Variants in TAMALIN observed in about 807,000 individuals in gnomAD.
The protein encoded by TAMALIN is protein TAMALIN.
TAMALIN carries 9 observed loss-of-function variants against 38.5 expected under a neutral mutation model. That is an observed-to-expected ratio of 0.23 (90% CI 0.14 to 0.41). TAMALIN has a LOEUF of 0.41. Ranked by LOEUF, TAMALIN falls within the 10% of genes least tolerant of loss-of-function variation. The pLI, the probability that TAMALIN is intolerant of heterozygous loss-of-function variation, is 1.00. For missense variants in TAMALIN, 548 were observed against 554.1 expected (o/e 0.99, Z 0.11); for synonymous variants, 306 against 256.5 (o/e 1.19, Z -1.85).
At position 52,011,220 on chromosome 12, in the gene TAMALIN, TC is replaced by T; in HGVS notation, c.454+81del. On this transcript the variant is annotated intron_variant, in intron 4 of 7. Coordinates refer to ENST00000293662, the MANE Select transcript of TAMALIN (RefSeq NM_181711.4). The surrounding 1 kb of genome is among the most constrained non-coding windows in gnomAD (Gnocchi z 5.3). Reference sequence around the variant, plus strand: ...CCAAGCAAAGGGGGTGAGCAATCTCTCCTGAAATCAATTCCTCTTCCTTTTC... The same window carrying T: ...CCAAGCAAAGGGGGTGAGCAATCTCTCTGAAATCAATTCCTCTTCCTTTTC... The T allele has an allele frequency of 6.3e-7, 1 of 1,595,572 alleles. No homozygotes were observed. Among genetic ancestry groups the T allele is most frequent in the Non-Finnish European group, 8.5e-7 (1 of 1,176,596 alleles).
Position 52,007,114 on chromosome 12 carries a change from C to T in TAMALIN, c.95C>T (p.Pro32Leu), listed in dbSNP as rs774192574. The T allele has an allele frequency of 6.7e-7, 1 of 1,485,556 alleles. No individual in the cohort carries two copies. Among genetic ancestry groups the T allele is most frequent in the South Asian group, 1.3e-5 (1 of 78,278 alleles). 92.0% of individuals were successfully genotyped at this position (1,485,556 alleles called of 1,614,324 possible). A position where few individuals can be genotyped will look rare whatever the true frequency, so the allele number is the denominator to read the frequency against. Residue 32 changes from proline (P) to leucine (L), a missense_variant, in exon 1 of 8, where the codon CCC becomes CTC. Pro to Leu is a moderately conservative substitution (Grantham distance 98). This residue lies in a region of TAMALIN where 128 missense variants were observed against 117.9 expected (regional missense o/e 1.09). Coordinates refer to ENST00000293662, the MANE Select transcript of TAMALIN (RefSeq NM_181711.4). The surrounding 1 kb of genome is among the most constrained non-coding windows in gnomAD (Gnocchi z 6.7). Reference protein sequence around the residue: ...AARTPDSEVAPAAPVPTPGPP... With the variant: ...AARTPDSEVALAAPVPTPGPP... ...CGGACTCCCGACTCGGAAGTCGCGCCCGCCGCTCCGGTCCCGACCCCGGGA... is the reference window on the plus strand; with the variant it reads ...CGGACTCCCGACTCGGAAGTCGCGCTCGCCGCTCCGGTCCCGACCCCGGGA...
In TAMALIN at chr12:52,015,286, G is replaced by A. The variant is rs1937783220; in HGVS notation, c.*87G>A. Reference sequence around the variant, plus strand: ...GGGAGGCCGAGCCAAGAGGACCCCAGGAGCCCAGAGCAGCGGGAGAGGGTC... The same window carrying A: ...GGGAGGCCGAGCCAAGAGGACCCCAAGAGCCCAGAGCAGCGGGAGAGGGTC... On this transcript the variant is annotated 3_prime_UTR_variant, in exon 8 of 8. Transcript: ENST00000293662. 1 of 1,423,604 alleles carries A rather than the reference G, an allele frequency of 7.0e-7. No individual in the cohort carries two copies. The highest frequency in any genetic ancestry group is 9.2e-7 in the Non-Finnish European group (1 of 1,084,014). 88.2% of individuals were successfully genotyped at this position (1,423,604 alleles called of 1,614,324 possible).
Position 52,015,329 on chromosome 12 carries a change from G to GA in TAMALIN, c.*130_*131insA. On this transcript the variant is annotated 3_prime_UTR_variant, in exon 8 of 8. Transcript: ENST00000293662. ...AGAGGGTCCTTCCTAGCCTCGGCCCGCCGGGTCGGTTCCTGGCTGGTGTCT... is the reference window on the plus strand; with the variant it reads ...AGAGGGTCCTTCCTAGCCTCGGCCCGACCGGGTCGGTTCCTGGCTGGTGTCT... 8.7e-7 allele frequency: 1 copy of GA among 1,152,682 alleles called. No individual in the cohort carries two copies. Among genetic ancestry groups the GA allele is most frequent in the Non-Finnish European group, 1.2e-6 (1 of 867,208 alleles). 71.4% of individuals were successfully genotyped at this position (1,152,682 alleles called of 1,614,324 possible). A position where few individuals can be genotyped will look rare whatever the true frequency, so the allele number is the denominator to read the frequency against.
rs971160165 is a variant in TAMALIN at position 52,011,381 on chromosome 12, C to T, written c.454+240C>T. 135 of 637,746 alleles carry T rather than the reference C, an allele frequency of 2.1e-4. 1 individual carries two copies. Among genetic ancestry groups the T allele is most frequent in the African/African-American group, 2.9e-4 (16 of 54,816 alleles). 39.5% of individuals were successfully genotyped at this position (637,746 alleles called of 1,614,324 possible). A position where few individuals can be genotyped will look rare whatever the true frequency, so the allele number is the denominator to read the frequency against. On this transcript the variant is annotated intron_variant, in intron 4 of 7. Coordinates refer to ENST00000293662, the MANE Select transcript of TAMALIN (RefSeq NM_181711.4). This position sits in a 1 kb window ranked among gnomAD's most constrained non-coding sequence, Gnocchi z 5.3. ...AATAATGCATCCAAACATCACAGTG[C>T]GGCAAGGGGATTCCCTGGGCACACT... is the stretch of plus-strand genomic sequence containing the variant.
chr12:52,015,209 CG>C lies in TAMALIN; in HGVS notation c.*13del. On this transcript the variant is annotated 3_prime_UTR_variant, in exon 8 of 8. Transcript: ENST00000293662. Reference sequence around the variant, plus strand: ...GGAGAGCCAGCTGTAGGGGCGGGGGCGGGCAGGGAGGTATTTATTTATTTAT... The same window carrying C: ...GGAGAGCCAGCTGTAGGGGCGGGGGCGGCAGGGAGGTATTTATTTATTTAT... The C allele has an allele frequency of 6.4e-7, 1 of 1,564,600 alleles. No homozygotes were observed.
chr12:52,008,185 C>T (rs1942446106), intron 1 of TAMALIN: 1 of 985,426 alleles, frequency 1.0e-6, no homozygotes, highest in Non-Finnish European at 1.2e-6. Context: ...ACCCCTGAGG[C>T]CAATCTGGTT....
chr12:52,015,289 G>T lies in TAMALIN; in HGVS notation c.*90G>T, dbSNP rs1211189725. ...AGGCCGAGCCAAGAGGACCCCAGGAGCCCAGAGCAGCGGGAGAGGGTCCTT... is the reference window on the plus strand; with the variant it reads ...AGGCCGAGCCAAGAGGACCCCAGGATCCCAGAGCAGCGGGAGAGGGTCCTT... On this transcript the variant is annotated 3_prime_UTR_variant, in exon 8 of 8. Coordinates refer to ENST00000293662, the MANE Select transcript of TAMALIN (RefSeq NM_181711.4). 13 of 1,400,772 alleles carry T rather than the reference G, an allele frequency of 9.3e-6. No homozygotes were observed. Among genetic ancestry groups the T allele is most frequent in the Non-Finnish European group, 1.1e-5 (12 of 1,069,314 alleles). The allele number at this position is 1,400,772 out of a possible 1,614,324, so 86.8% of individuals were successfully genotyped here.
Position 52,015,119 on chromosome 12 carries a change from T to A in TAMALIN, c.1108T>A (p.Tyr370Asn). ...CGGCCCCGGCCTGCGCAAAACCAAG[T>A]ACCGCAGCTTCCGCCGGCGGCTGCT... is the stretch of plus-strand genomic sequence containing the variant. Reference protein sequence around the residue: ...LCGPGLRKTKYRSFRRRLLKF... With the variant: ...LCGPGLRKTKNRSFRRRLLKF... Residue 370 changes from tyrosine (Y) to asparagine (N), a missense_variant, in exon 8 of 8, where the codon TAC becomes AAC. Tyr to Asn is a moderately radical substitution (Grantham distance 143, BLOSUM62 -2). Transcript: ENST00000293662. The A allele has an allele frequency of 6.3e-7, 1 of 1,585,128 alleles. No homozygotes were observed. Among genetic ancestry groups the A allele is most frequent in the South Asian group, 1.1e-5 (1 of 89,302 alleles).
intron 1 of TAMALIN, chr12:52,008,749 G>A (rs371540998): frequency 1.0e-6 from 1 of 985,278 alleles, no homozygotes; most frequent in East Asian, 1.1e-4. Flanking sequence ...GGTCCTCGGA[G>A]CACCTTGATA....
At chr12:52,008,282 C>T in intron 1 of TAMALIN, 17 of 985,224 alleles carry the variant, frequency 1.7e-5, no homozygotes, top group Non-Finnish European at 2.0e-5. Context: ...GTGCAGGCTC[C>T]AAAGAAAAGG....
At chr12:52,014,287 G>A (rs1937732076) in intron 7 of TAMALIN, 86 bp downstream of exon 7, 1 of 1,134,074 alleles carries the variant, frequency 8.8e-7, no homozygotes, top group East Asian at 2.6e-5. Context: ...GCGGGTTCTA[G>A]TAAAGAACGG....
At position 52,015,395 on chromosome 12, in the gene TAMALIN, G is replaced by C; in HGVS notation, c.*196G>C. The C allele has an allele frequency of 1.6e-6, 1 of 629,592 alleles. No homozygotes were observed. Among genetic ancestry groups the C allele is most frequent in the Non-Finnish European group, 2.5e-6 (1 of 394,130 alleles). 39.0% of individuals were successfully genotyped at this position (629,592 alleles called of 1,614,324 possible). On this transcript the variant is annotated 3_prime_UTR_variant, in exon 8 of 8. Coordinates refer to ENST00000293662, the MANE Select transcript of TAMALIN (RefSeq NM_181711.4). ...GGCCCAGCCCCTTCTCTTCTCCCCC[G>C]CCAAACCACAGTGGGAGCTGGGGCA...
At position 52,007,891 on chromosome 12, in the gene TAMALIN, G is replaced by A. The variant is rs923864893; in HGVS notation, c.246+626G>A. The A allele has an allele frequency of 2.6e-5, 26 of 985,378 alleles. No individual in the cohort carries two copies. The highest frequency in any genetic ancestry group is 3.1e-5 in the Non-Finnish European group (26 of 829,910). The allele number at this position is 985,378 out of a possible 1,614,324, so 61.0% of individuals were successfully genotyped here. ...GGGAGGGGTCGCAGGGCGCCCGCGG[G>A]GCAGGAAGGATGCGGGCCGCGCCCA... On this transcript the variant is annotated intron_variant, in intron 1 of 7. Coordinates refer to ENST00000293662, the MANE Select transcript of TAMALIN (RefSeq NM_181711.4). This position sits in a 1 kb window ranked among gnomAD's most constrained non-coding sequence, Gnocchi z 6.7.
Position 52,011,177 on chromosome 12 carries a change from G to T in TAMALIN, c.454+36G>T. Reference sequence around the variant, plus strand: ...AGCCCAGGACACCCAGGTCTGGGAAGGGGATATGACCTTACTCCCAAGCAA... The same window carrying T: ...AGCCCAGGACACCCAGGTCTGGGAATGGGATATGACCTTACTCCCAAGCAA... On this transcript the variant is annotated intron_variant, in intron 4 of 7. Transcript: ENST00000293662. This position sits in a 1 kb window ranked among gnomAD's most constrained non-coding sequence, Gnocchi z 5.3. The T allele has an allele frequency of 6.2e-7, 1 of 1,606,744 alleles. No individual in the cohort carries two copies. The highest frequency in any genetic ancestry group is 8.5e-7 in the Non-Finnish European group (1 of 1,179,886).
At chr12:52,013,075 CTT>C (rs3035021) in intron 4 of TAMALIN, among the ~76,000 whole-genome samples, 13 of 124,418 alleles carry the variant, frequency 1.0e-4, no homozygotes, top group Non-Finnish European at 1.0e-4. Flanking sequence ...GACAGAACTT[CTT>C]TTTTTTTTTT....
chr12:52,013,977 C>A (rs767036728), intron 6 of TAMALIN, 34 bp downstream of exon 6: 12 of 1,606,090 alleles, frequency 7.5e-6, no homozygotes, highest in Non-Finnish European at 1.0e-5. Context: ...AGCCTCCACC[C>A]TCCTCTTCCC....
At position 52,013,708 on chromosome 12, in the gene TAMALIN, A is replaced by G. The variant is rs776864341; in HGVS notation, c.476A>G (p.Asn159Ser). 9.9e-6 allele frequency: 16 copies of G among 1,614,058 alleles called. No homozygotes were observed. Among genetic ancestry groups the G allele is most frequent in the Admixed American group, 6.7e-5 (4 of 59,996 alleles). ...LTPGDTIASV[N>S]GLNVEGIRHR... ...GCAGGGGACACCATCGCCAGCGTCA[A>G]TGGCCTGAATGTGGAAGGCATCCGG... is the stretch of plus-strand genomic sequence containing the variant. Residue 159 changes from asparagine (N) to serine (S), a missense_variant, in exon 5 of 8, where the codon AAT becomes AGT. This residue lies in a region of TAMALIN where 415 missense variants were observed against 417.0 expected (regional missense o/e 1.00). Coordinates refer to ENST00000293662, the MANE Select transcript of TAMALIN (RefSeq NM_181711.4).
In TAMALIN at chr12:52,015,077, C is replaced by T; in HGVS notation, c.1066C>T (p.Arg356Cys). ...GCCGGGCGCGCTCTGGACTGAGGCT[C>T]GCGAGCAGGCCCTATGCGGCCCCGG... Reference protein sequence around the residue: ...GAPGALWTEAREQALCGPGLR... With the variant: ...GAPGALWTEACEQALCGPGLR... The change falls in exon 8 of 8, where the codon CGC becomes TGC. Residue 356 changes from arginine to cysteine, a missense_variant. Transcript: ENST00000293662. 6.6e-7 allele frequency: 1 copy of T among 1,505,578 alleles called. No individual in the cohort carries two copies. Among genetic ancestry groups the T allele is most frequent in the Non-Finnish European group, 8.8e-7 (1 of 1,135,414 alleles). 93.3% of individuals were successfully genotyped at this position (1,505,578 alleles called of 1,614,324 possible). A position where few individuals can be genotyped will look rare whatever the true frequency, so the allele number is the denominator to read the frequency against.
At chr12:52,014,080 G>A (rs144610664) in intron 6 of TAMALIN, 55 bp from the exon 7 acceptor site, 83 of 1,573,330 alleles carry the variant, frequency 5.3e-5, no homozygotes, top group Non-Finnish European at 5.6e-5. Flanking sequence ...CTGTACCCAC[G>A]TCCTGCTAGT....
Sources: gnomAD v4.1 joint callset for allele counts (sites outside exome capture counted in the v4.1 genomes callset) on GRCh38, gnomAD v4.1.1 for gene constraint, gnomAD v4.1.1 regional missense constraint, Gnocchi (gnomAD v3.1) non-coding constraint, MANE v1.5 for transcripts, NCBI Gene and HGNC (gene_info 2026-07-23, HGNC 2026-07-21) for gene names.